Variants in GALNT17 observed in about 807,000 individuals in gnomAD.
GALNT17 encodes the protein UDP-GalNAc:polypeptide N-acetylgalactosaminyltransferase-like 3.
GALNT17 carries 29 observed loss-of-function variants against 63.7 expected under a neutral mutation model. That is an observed-to-expected ratio of 0.46 (90% CI 0.34 to 0.62). The LOEUF is 0.62. GALNT17 is among the 20% of genes least tolerant of loss of function. The pLI, the probability that GALNT17 is intolerant of heterozygous loss-of-function variation, is 0.01. For missense variants in GALNT17, 603 were observed against 799.6 expected, an observed-to-expected ratio of 0.75 and a Z score of 2.97; for synonymous variants, 305 against 318.3, an observed-to-expected ratio of 0.96 and a Z score of 0.45.
intron 5 of GALNT17, among the ~76,000 whole-genome samples, chr7:71,562,108 A>G (rs942588022): frequency 4.6e-5 from 7 of 152,082 alleles, no homozygotes; most frequent in Non-Finnish European, 8.8e-5. Context: ...GGTGCGCACC[A>G]CCATGCCTGG....
intron 1 of GALNT17, among the ~76,000 whole-genome samples, chr7:71,182,314 A>T (rs1788750721): frequency 1.3e-5 from 2 of 152,354 alleles, no homozygotes; most frequent in South Asian, 4.1e-4. Context: ...CTGTGAGAAG[A>T]AGATACATTT....
chr7:71,630,792 C>T (rs770380979), intron 6 of GALNT17, among the ~76,000 whole-genome samples: 2 of 152,134 alleles, frequency 1.3e-5, no homozygotes, highest in Non-Finnish European at 2.9e-5. Context: ...CAGTGCAATC[C>T]GGAAATCATG....
chr7:71,247,401 A>G (rs1424074049), intron 1 of GALNT17, among the ~76,000 whole-genome samples: 6 of 152,142 alleles, frequency 3.9e-5, no homozygotes, highest in Non-Finnish European at 8.8e-5. Context: ...CCTCCTTGGC[A>G]GTTGAAAGTC....
At chr7:71,580,166 G>A (rs887493702) in intron 6 of GALNT17, among the ~76,000 whole-genome samples, 1 of 151,856 alleles carries the variant, frequency 6.6e-6, no homozygotes, top group African/African-American at 2.4e-5. Context: ...ATAGATAGAT[G>A]AGATATAGGT....
intron 5 of GALNT17, among the ~76,000 whole-genome samples, chr7:71,471,631 C>G (rs748163603): frequency 6.6e-6 from 1 of 152,024 alleles, no homozygotes; most frequent in Non-Finnish European, 1.5e-5. Flanking sequence ...TTCTCTTCTC[C>G]TTTTTTTATG....
chr7:71,711,055 G>A (rs572581465), intron 10 of GALNT17, 127 bp downstream of exon 10: 56 of 1,316,170 alleles, frequency 4.3e-5, no homozygotes, highest in East Asian at 1.3e-4. Flanking sequence ...TCCCTGCCCC[G>A]GGCTGGGCTT....
intron 1 of GALNT17, among the ~76,000 whole-genome samples, chr7:71,295,842 G>A (rs1791069243): frequency 6.6e-6 from 1 of 151,766 alleles, no homozygotes; most frequent in African/African-American, 2.4e-5. Flanking sequence ...CAATCTTCCT[G>A]CCTCAGCCTC....
intron 6 of GALNT17, among the ~76,000 whole-genome samples, chr7:71,576,397 A>C (rs942321049): frequency 6.6e-6 from 1 of 152,200 alleles, no homozygotes; most frequent in Admixed American, 6.5e-5. Context: ...ATTGAATGGT[A>C]GTTCTGTTTT....
chr7:71,377,100 ATAAAAATAAAAAAAATAT>A (rs1210384325), intron 2 of GALNT17, among the ~76,000 whole-genome samples: 3 of 67,602 alleles, frequency 4.4e-5, no homozygotes, highest in Non-Finnish European at 7.8e-5. Context: ...AAAAAAAAAA[ATAAAAATAAAAAAAATAT>A]ATATATATAT....
chr7:71,326,077 G>A (rs541217858), intron 1 of GALNT17, among the ~76,000 whole-genome samples: 1 of 151,650 alleles, frequency 6.6e-6, no homozygotes, highest in African/African-American at 2.4e-5. Flanking sequence ...ATTTTCTAAC[G>A]TCTGTGTTCT....
chr7:71,572,220 TAA>T (rs879513819), intron 6 of GALNT17, among the ~76,000 whole-genome samples: 1 of 118,948 alleles, frequency 8.4e-6, no homozygotes, highest in Non-Finnish European at 1.8e-5. Flanking sequence ...CTATGAAAAA[TAA>T]AAAAAAAAAA....
intron 5 of GALNT17, among the ~76,000 whole-genome samples, chr7:71,544,120 T>G (rs1788939571): frequency 1.6e-5 from 1 of 61,116 alleles, no homozygotes; most frequent in South Asian, 3.7e-4. Flanking sequence ...TTGATTTCTT[T>G]TTTCTTTTTT....
chr7:71,278,303 A>G (rs953813877), intron 1 of GALNT17, among the ~76,000 whole-genome samples: 1 of 152,174 alleles, frequency 6.6e-6, no homozygotes, highest in African/African-American at 2.4e-5. Context: ...GCTGTACTGG[A>G]TGGCTTCAAC....
At chr7:71,603,415 A>G (rs962536913) in intron 6 of GALNT17, among the ~76,000 whole-genome samples, 16 of 152,012 alleles carry the variant, frequency 1.1e-4, no homozygotes, top group Admixed American at 6.5e-4. Flanking sequence ...TCTGGATACT[A>G]TGCTAAGTGC....
At chr7:71,483,081 T>C (rs1387112185) in intron 5 of GALNT17, among the ~76,000 whole-genome samples, 1 of 152,138 alleles carries the variant, frequency 6.6e-6, no homozygotes, top group East Asian at 1.9e-4. Context: ...GCCTGGGGGA[T>C]TGGGGACCTC....
intron 2 of GALNT17, among the ~76,000 whole-genome samples, chr7:71,364,665 G>A (rs1279950510): frequency 6.6e-6 from 1 of 152,082 alleles, no homozygotes; most frequent in Admixed American, 6.6e-5. Context: ...ACTGTCTTAG[G>A]GAGAAAAGAG....
At chr7:71,477,160 A>C (rs2116630945) in intron 5 of GALNT17, among the ~76,000 whole-genome samples, 1 of 152,296 alleles carries the variant, frequency 6.6e-6, no homozygotes, top group South Asian at 2.1e-4. Flanking sequence ...ATCATCAATC[A>C]CCATCATCAT....
chr7:71,366,913 G>A (rs1173732285), intron 2 of GALNT17, among the ~76,000 whole-genome samples: 1 of 152,072 alleles, frequency 6.6e-6, no homozygotes, highest in African/African-American at 2.4e-5. Context: ...CTATTACAGA[G>A]GTTGATCATC....
At chr7:71,674,807 G>A (rs917957608) in intron 8 of GALNT17, among the ~76,000 whole-genome samples, 39 of 152,220 alleles carry the variant, frequency 2.6e-4, no homozygotes, top group African/African-American at 8.7e-4. Flanking sequence ...GTGAGCCACC[G>A]CACCCAGCCC....
Sources: gnomAD v4.1 joint callset for allele counts (sites outside exome capture counted in the v4.1 genomes callset) on GRCh38, gnomAD v4.1.1 for gene constraint, MANE v1.5 for transcripts, NCBI Gene and HGNC (gene_info 2026-07-23, HGNC 2026-07-21) for gene names.